CNTN5: variants seen among roughly 807,000 people sequenced by gnomAD.
CNTN5 encodes contactin-5.
In CNTN5, 77 loss-of-function variants were observed where a neutral mutation model predicts 129.1. The observed-to-expected ratio is 0.60, with a 90% CI of 0.50 to 0.72. The LOEUF (loss-of-function observed/expected upper bound fraction) is 0.72, where lower values mean the gene tolerates loss of function less well. Among genes scored for constraint, CNTN5 ranks in the 30% least tolerant of loss-of-function variants. The probability of loss-of-function intolerance (pLI) is 0.00; values close to 1 mark genes in which losing one functional copy is unlikely to be tolerated. For synonymous variants in CNTN5, 509 were observed against 465.6 expected (o/e 1.09, Z -1.20); for missense variants, 1,478 against 1,328.8 (o/e 1.11, Z -1.75).
intron 1 of CNTN5, among the ~76,000 whole-genome samples, chr11:99,266,374 G>A (rs1862889706): frequency 6.6e-6 from 1 of 152,024 alleles, no homozygotes; most frequent in Non-Finnish European, 1.5e-5. Flanking sequence ...ATAGGTGGGA[G>A]GATCGCTTGA....
intron 2 of CNTN5, among the ~76,000 whole-genome samples, chr11:99,511,611 T>A (rs1479564891): frequency 1.3e-5 from 2 of 152,016 alleles, no homozygotes; most frequent in Admixed American, 1.3e-4. Flanking sequence ...TAACTTTCTG[T>A]CTCGTTGATC....
chr11:99,336,892 A>T (rs1198098304), intron 2 of CNTN5, among the ~76,000 whole-genome samples: 3 of 152,114 alleles, frequency 2.0e-5, no homozygotes, highest in African/African-American at 7.2e-5. Context: ...TAGAAAGAAG[A>T]TCACTATGAC....
At chr11:99,310,827 ACT>A (rs200006045) in intron 1 of CNTN5, among the ~76,000 whole-genome samples, 6 of 152,182 alleles carry the variant, frequency 3.9e-5, no homozygotes, top group South Asian at 4.1e-4. Context: ...ATATTTGGTG[ACT>A]CTCTATTGGT....
In CNTN5 at chr11:100,070,549, C is replaced by T. The variant is rs757500998; in HGVS notation, c.1288C>T (p.Leu430Phe). ...TYRWLKNGVP[L>F]SPQSRVEMVN... ...TCGTTGGCTGAAGAATGGAGTACCC[C>T]TCTCACCTCAGGTACTGTTGGGAGT... Residue 430 changes from leucine (L) to phenylalanine (F), a missense_variant, in exon 11 of 25, where the codon CTC becomes TTC. Physicochemically the swap from Leu to Phe is conservative, Grantham distance 22. Coordinates refer to ENST00000524871, the MANE Select transcript of CNTN5 (RefSeq NM_014361.4). 2 of 1,612,920 alleles carry T rather than the reference C, an allele frequency of 1.2e-6. No homozygotes were observed. Among genetic ancestry groups the T allele is most frequent in the Non-Finnish European group, 1.7e-6 (2 of 1,179,326 alleles).
chr11:100,036,307 GT>G (rs1176973972), intron 9 of CNTN5, among the ~76,000 whole-genome samples: 1 of 151,938 alleles, frequency 6.6e-6, no homozygotes, highest in Non-Finnish European at 1.5e-5. Flanking sequence ...TGAGGGCTCT[GT>G]TCTGTTCCAT....
chr11:100,032,203 G>A (rs1941748858), intron 9 of CNTN5, among the ~76,000 whole-genome samples: 1 of 152,122 alleles, frequency 6.6e-6, no homozygotes, highest in Admixed American at 6.5e-5. Context: ...CATTCTGAGA[G>A]TATCACTATG....
intron 2 of CNTN5, among the ~76,000 whole-genome samples, chr11:99,385,310 A>T (rs982308310): frequency 6.6e-6 from 1 of 151,492 alleles, no homozygotes; most frequent in African/African-American, 2.4e-5. Context: ...CCCCTGAAAC[A>T]CCCCCGCCCC....
At chr11:99,911,514 T>A (rs1366461150) in intron 6 of CNTN5, among the ~76,000 whole-genome samples, 3 of 151,820 alleles carry the variant, frequency 2.0e-5, no homozygotes, top group Non-Finnish European at 2.9e-5. Context: ...TCCTCACTCC[T>A]CCCCAATAAC....
At chr11:99,909,976 A>G (rs936435885) in intron 6 of CNTN5, among the ~76,000 whole-genome samples, 1 of 151,716 alleles carries the variant, frequency 6.6e-6, no homozygotes, top group African/African-American at 2.4e-5. Flanking sequence ...ATAAAAAAAG[A>G]ATTGTAGCAT....
chr11:99,938,747 T>C (rs964218386), intron 7 of CNTN5, among the ~76,000 whole-genome samples: 4 of 152,128 alleles, frequency 2.6e-5, no homozygotes, highest in Admixed American at 2.6e-4. Context: ...TTTACTTAAA[T>C]CATTTCTATG....
chr11:99,521,686 T>G (rs1489542521), intron 2 of CNTN5, among the ~76,000 whole-genome samples: 6 of 152,206 alleles, frequency 3.9e-5, no homozygotes, highest in Non-Finnish European at 7.3e-5. Context: ...GAGTCCAAAG[T>G]GTATCTGTTG....
At chr11:99,075,825 G>A (rs966355494) in intron 1 of CNTN5, among the ~76,000 whole-genome samples, 2 of 152,078 alleles carry the variant, frequency 1.3e-5, no homozygotes, top group Admixed American at 6.6e-5. Context: ...TGTTGCATGC[G>A]GGAAGTGTTT....
chr11:100,308,151 C>T (rs1951396476), intron 20 of CNTN5, among the ~76,000 whole-genome samples: 2 of 151,686 alleles, frequency 1.3e-5, no homozygotes, highest in Admixed American at 1.3e-4. Flanking sequence ...CTAGATTTGT[C>T]ATTTGTCATT....
chr11:99,314,523 G>T lies in CNTN5; in HGVS notation c.-209-10823G>T, dbSNP rs139675580. Among the ~76,000 whole-genome samples the T allele has an allele frequency of 5.7e-3, 871 of 152,098 alleles. 4 individuals are homozygous for T. Among genetic ancestry groups the T allele is most frequent in the Non-Finnish European group, 1.0e-2 (678 of 67,956 alleles). On this transcript the variant is annotated intron_variant, in intron 1 of 24. Coordinates refer to ENST00000524871, the MANE Select transcript of CNTN5 (RefSeq NM_014361.4). ...TTATTTTCATCATTAAATAGTGAGA[G>T]ATTTTACTGTCTAGACAAAGGAGAG...
intron 6 of CNTN5, among the ~76,000 whole-genome samples, chr11:99,890,534 A>T (rs1255309053): frequency 6.6e-6 from 1 of 151,914 alleles, no homozygotes. Flanking sequence ...ACATACATGT[A>T]TGTATACATA....
intron 2 of CNTN5, among the ~76,000 whole-genome samples, chr11:99,365,017 G>A (rs1354126760): frequency 1.3e-5 from 2 of 152,048 alleles, no homozygotes; most frequent in Non-Finnish European, 2.9e-5. Context: ...CTGCTTAGGT[G>A]CAATGGAATA....
At chr11:100,299,428 A>T in intron 20 of CNTN5, 32 bp downstream of exon 20, 2 of 1,359,452 alleles carry the variant, frequency 1.5e-6, no homozygotes, top group Non-Finnish European at 2.0e-6. Context: ...ATTTTTATTT[A>T]ACATTTTACT....
At chr11:99,792,573 G>GTGTCTGTC (rs1555113491) in intron 3 of CNTN5, among the ~76,000 whole-genome samples, 15,353 of 116,682 alleles carry the variant, frequency 0.13, 1,234 homozygotes, top group South Asian at 0.18. Context: ...GTGTGTGTGT[G>GTGTCTGTC]TGTCTGTCTG....
intron 2 of CNTN5, among the ~76,000 whole-genome samples, chr11:99,455,834 T>G (rs1202773050): frequency 1.3e-5 from 2 of 152,188 alleles, no homozygotes; most frequent in African/African-American, 4.8e-5. Context: ...AATTTTGATG[T>G]CATTTAGGCG....
Sources: allele counts gnomAD v4.1 joint callset (sites outside exome capture counted in the v4.1 genomes callset), GRCh38; gene constraint gnomAD v4.1.1; transcripts MANE v1.5; gene names NCBI Gene and HGNC (gene_info 2026-07-23, HGNC 2026-07-21).